The following PLD1 variants were observed in gnomAD, a reference collection of about 807,000 sequenced individuals.
PLD1 encodes the protein choline phosphatase 1.
Under a neutral mutation model 137.1 loss-of-function variants are expected in PLD1, and 112 were observed. That is an observed-to-expected ratio of 0.82 (90% CI 0.70 to 0.96). The LOEUF is 0.96. Ranked by LOEUF, PLD1 falls within the 40% of genes least tolerant of loss-of-function variation. PLD1 has a pLI of 0.00. For missense variants in PLD1, 1,321 were observed against 1,342.0 expected (o/e 0.98, Z 0.24); for synonymous variants, 431 against 454.7 (o/e 0.95, Z 0.66).
chr3:171,692,282 A>G (rs370512960), intron 13 of PLD1, 50 bp downstream of exon 13: 2 of 889,838 alleles, frequency 2.2e-6, no homozygotes, highest in African/African-American at 1.7e-5. Context: ...ACCTGAAAAA[A>G]TCCTATAGAA....
At chr3:171,686,255 C>T (rs966593386) in intron 16 of PLD1, among the ~76,000 whole-genome samples, 4 of 151,898 alleles carry the variant, frequency 2.6e-5, no homozygotes, top group African/African-American at 9.7e-5. Context: ...AATTTGAAAG[C>T]AGTTGGTGCT....
At chr3:171,704,469 A>ACAAAAC (rs1560234169) in intron 11 of PLD1, among the ~76,000 whole-genome samples, 3 of 150,412 alleles carry the variant, frequency 2.0e-5, no homozygotes, top group African/African-American at 7.5e-5. Context: ...AAAAAAAAAA[A>ACAAAAC]AAAAAAAACC....
At chr3:171,769,144 G>T (rs928583516) in intron 1 of PLD1, among the ~76,000 whole-genome samples, 12 of 152,106 alleles carry the variant, frequency 7.9e-5, no homozygotes. Context: ...CTAAAATCTG[G>T]TTTTTAGGGA....
At chr3:171,722,296 T>C (rs913571610) in intron 8 of PLD1, among the ~76,000 whole-genome samples, 6 of 152,196 alleles carry the variant, frequency 3.9e-5, no homozygotes, top group African/African-American at 1.2e-4. Flanking sequence ...TTTTCAGAAA[T>C]ATAAGTGTAA....
chr3:171,661,237 C>T (rs1349703467), intron 20 of PLD1, among the ~76,000 whole-genome samples: 4 of 151,922 alleles, frequency 2.6e-5, no homozygotes, highest in East Asian at 3.9e-4. Flanking sequence ...CTGTGCAGAG[C>T]GGGAGAGGGC....
chr3:171,775,917 A>G (rs765045455), intron 1 of PLD1, among the ~76,000 whole-genome samples: 1 of 152,188 alleles, frequency 6.6e-6, no homozygotes, highest in Non-Finnish European at 1.5e-5. Context: ...GAAAACACTT[A>G]AAAATAGCTC....
rs953507516 is a variant in PLD1 at position 171,600,674 on chromosome 3, A to T, written c.*2404T>A. 6.6e-6 allele frequency: 1 copy of T among 152,106 alleles called. No homozygotes were observed. Among genetic ancestry groups the T allele is most frequent in the Non-Finnish European group, 1.5e-5 (1 of 68,020 alleles). The allele number at this position is 152,106 out of a possible 1,614,324, so 9.4% of individuals were successfully genotyped here. ...TAAACTGCTACTGCAAAAAAAAAAA[A>T]AAAAGCAATTATTGCACTGAATTTT... On this transcript the variant is annotated 3_prime_UTR_variant, in exon 27 of 27. Transcript: ENST00000351298.
intron 11 of PLD1, among the ~76,000 whole-genome samples, chr3:171,702,944 A>G (rs2108548697): frequency 6.6e-6 from 1 of 152,310 alleles, no homozygotes; most frequent in South Asian, 2.1e-4. Flanking sequence ...AACATCCCTT[A>G]TGATCACAGA....
At chr3:171,759,066 C>G (rs1024949359) in intron 1 of PLD1, among the ~76,000 whole-genome samples, 11 of 149,062 alleles carry the variant, frequency 7.4e-5, no homozygotes, top group Admixed American at 6.8e-5. Flanking sequence ...TGCTTCTTGT[C>G]AAGGCCACTT....
chr3:171,747,765 A>G (rs1416275384), intron 1 of PLD1, among the ~76,000 whole-genome samples: 1 of 152,182 alleles, frequency 6.6e-6, no homozygotes, highest in African/African-American at 2.4e-5. Flanking sequence ...CAGACCTATG[A>G]AGTAACTGCT....
In PLD1 at chr3:171,724,995, C is replaced by T. The variant is rs74620834; in HGVS notation, c.666-207G>A. Among the ~76,000 whole-genome samples, 933 of 152,184 alleles carry T rather than the reference C, an allele frequency of 6.1e-3. 7 individuals carry two copies. The highest frequency in any genetic ancestry group is 0.022 in the African/African-American group (894 of 41,510). ...CCTAAAATACACTGGTGAGATATAGCCCCTTCAGCATTCGGGGCAGTGTGA... is the reference window on the plus strand; with the variant it reads ...CCTAAAATACACTGGTGAGATATAGTCCCTTCAGCATTCGGGGCAGTGTGA... On this transcript the variant is annotated intron_variant, in intron 7 of 26. Transcript: ENST00000351298.
rs1047940226 is a variant in PLD1, at chr3:171,730,648, T to C, written c.606+2796A>G. On this transcript the variant is annotated intron_variant, in intron 6 of 26. Transcript: ENST00000351298. ...CCTTTATAATAAATCTATCTCCACT[T>C]TTTTTTTTTTGGCAGAGTCTTCCTC... is the stretch of plus-strand genomic sequence containing the variant. Among the ~76,000 whole-genome samples the C allele has an allele frequency of 3.4e-5, 5 of 149,114 alleles. 1 individual carries two copies. The highest frequency in any genetic ancestry group is 3.3e-4 in the Admixed American group (5 of 14,944).
intron 1 of PLD1, chr3:171,792,846 C>T (rs1379454658): frequency 2.6e-6 from 1 of 378,764 alleles, no homozygotes; most frequent in Admixed American, 3.2e-5. Context: ...CAGGAGGACA[C>T]CAGCTATGGC....
At chr3:171,695,053 T>A (rs1432731209) in intron 12 of PLD1, among the ~76,000 whole-genome samples, 1 of 152,214 alleles carries the variant, frequency 6.6e-6, no homozygotes, top group Non-Finnish European at 1.5e-5. Flanking sequence ...ATTCCTGTGA[T>A]AATAAAGCAA....
intron 1 of PLD1, among the ~76,000 whole-genome samples, chr3:171,760,530 A>G (rs1049841791): frequency 6.6e-6 from 1 of 152,220 alleles, no homozygotes; most frequent in African/African-American, 2.4e-5. Flanking sequence ...TGCCTAAAAT[A>G]ACCTAGGATT....
intron 5 of PLD1, among the ~76,000 whole-genome samples, chr3:171,733,723 G>T (rs1420108730): frequency 6.6e-6 from 1 of 152,032 alleles, no homozygotes; most frequent in Non-Finnish European, 1.5e-5. Context: ...TCTTCTTACT[G>T]TTTAACTTTC....
At position 171,662,149 on chromosome 3, in the gene PLD1, A is replaced by C. The variant is rs1711563896; in HGVS notation, c.2251T>G (p.Trp751Gly). ...TCATGGTACTTTATACCAGCAGACC[A>C]ATCAGCAGCAGAGCGGAGCAACTAC... ...NVQLLRSAAD[W>G]SAGIKYHEES... Residue 751 changes from tryptophan to glycine, a missense_variant, in exon 20 of 27, where the codon TGG (tryptophan) becomes GGG (glycine). Physicochemically the swap from Trp to Gly is radical, Grantham distance 184 (BLOSUM62 -2). Transcript: ENST00000351298. 6.2e-7 allele frequency: 1 copy of C among 1,612,654 alleles called. No homozygotes were observed. Among genetic ancestry groups the C allele is most frequent in the East Asian group, 2.2e-5 (1 of 44,884 alleles).
At chr3:171,672,489 A>ATTTTT (rs1163775544) in intron 19 of PLD1, among the ~76,000 whole-genome samples, 1 of 124,538 alleles carries the variant, frequency 8.0e-6, no homozygotes, top group African/African-American at 3.3e-5. Context: ...TTTAGTTTTT[A>ATTTTT]TTTTTATTTT....
At chr3:171,729,500 C>A (rs1718776288) in intron 6 of PLD1, among the ~76,000 whole-genome samples, 1 of 152,146 alleles carries the variant, frequency 6.6e-6, no homozygotes, top group Admixed American at 6.5e-5. Flanking sequence ...AGAAGGGTGA[C>A]TTTCAGAGGC....
Sources: gnomAD v4.1 joint callset for allele counts (sites outside exome capture counted in the v4.1 genomes callset) on GRCh38, gnomAD v4.1.1 for gene constraint, MANE v1.5 for transcripts, NCBI Gene and HGNC (gene_info 2026-07-23, HGNC 2026-07-21) for gene names.